The following IL1RAPL2 variants were observed in gnomAD, a reference collection of about 807,000 sequenced individuals.
IL1RAPL2 encodes the protein interleukin 1 receptor accessory protein like 2, also known as X-linked interleukin-1 receptor accessory protein-like 2.
Under a neutral mutation model 44.1 loss-of-function variants are expected in IL1RAPL2, and 3 were observed. The observed-to-expected ratio is 0.07, with a 90% CI of 0.03 to 0.18. The LOEUF (loss-of-function observed/expected upper bound fraction) is 0.18, where lower values mean the gene tolerates loss of function less well. Among genes scored for constraint, IL1RAPL2 ranks in the 10% least tolerant of loss-of-function variants. IL1RAPL2 has a pLI of 1.00. For missense variants in IL1RAPL2, 391 were observed against 496.4 expected (o/e 0.79, Z 2.02); for synonymous variants, 181 against 178.8 (o/e 1.01, Z -0.10).
At chrX:104,717,082 T>C (rs1469940464) in intron 2 of IL1RAPL2, among the ~76,000 whole-genome samples, 1 of 112,239 alleles carries the variant, frequency 8.9e-6, no homozygotes, top group East Asian at 2.8e-4. Context: ...TGGAATACTA[T>C]GCAGCCATAA....
intron 8 of IL1RAPL2, among the ~76,000 whole-genome samples, chrX:105,741,732 A>G (rs1443091270): frequency 1.8e-5 from 2 of 111,856 alleles, no homozygotes; most frequent in East Asian, 5.7e-4. Context: ...AAGAAGTCTA[A>G]AAGAGAAAGT....
chrX:104,893,061 C>T (rs894721900), intron 2 of IL1RAPL2, among the ~76,000 whole-genome samples: 29 of 111,991 alleles, frequency 2.6e-4, no homozygotes, highest in Non-Finnish European at 4.5e-4. Context: ...AGTAGTCATT[C>T]AGGAGCAGGT....
chrX:105,447,644 A>AAT, intron 5 of IL1RAPL2, among the ~76,000 whole-genome samples: 1 of 78,668 alleles, frequency 1.3e-5, no homozygotes, highest in African/African-American at 5.1e-5. Context: ...TATAAATATA[A>AAT]ATATAAATAT....
intron 2 of IL1RAPL2, among the ~76,000 whole-genome samples, chrX:105,017,377 C>G (rs957860): frequency 0.067 from 7,407 of 110,683 alleles, 658 homozygotes; most frequent in African/African-American, 0.23. Flanking sequence ...TTTTTATTAA[C>G]TGAAAATTAA....
At chrX:104,841,535 C>T (rs1424483214) in intron 2 of IL1RAPL2, among the ~76,000 whole-genome samples, 2 of 111,541 alleles carry the variant, frequency 1.8e-5, no homozygotes, top group African/African-American at 6.5e-5. Context: ...TTGGTTTTTT[C>T]CTGTCCATAT....
Position 105,310,695 on chromosome X carries a change from C to T in IL1RAPL2, c.697+43154C>T, listed in dbSNP as rs143247526. On this transcript the variant is annotated intron_variant, in intron 5 of 10. Coordinates refer to ENST00000372582, the MANE Select transcript of IL1RAPL2 (RefSeq NM_017416.2). Reference sequence around the variant, plus strand: ...TGAAATAATTTTCCAGTTACCATTACGATTTATTATTTGGTATATGGTATA... The same window carrying T: ...TGAAATAATTTTCCAGTTACCATTATGATTTATTATTTGGTATATGGTATA... Among the ~76,000 whole-genome samples, 658 of 111,128 alleles carry T rather than the reference C, an allele frequency of 5.9e-3. 5 individuals carry two copies. Among genetic ancestry groups the T allele is most frequent in the African/African-American group, 0.015 (469 of 30,687 alleles).
intron 6 of IL1RAPL2, among the ~76,000 whole-genome samples, chrX:105,623,836 A>G (rs1474548444): frequency 8.9e-6 from 1 of 111,915 alleles, no homozygotes; most frequent in Non-Finnish European, 1.9e-5. Context: ...TGGAGCCTAG[A>G]ATCCAGGTGA....
At chrX:105,401,057 A>G in intron 5 of IL1RAPL2, among the ~76,000 whole-genome samples, 1 of 111,724 alleles carries the variant, frequency 9.0e-6, no homozygotes, top group Non-Finnish European at 1.9e-5. Flanking sequence ...CAGAAGGCAG[A>G]AGATCAAAGA....
chrX:105,519,850 G>A (rs2147788938), intron 6 of IL1RAPL2, among the ~76,000 whole-genome samples: 1 of 111,188 alleles, frequency 9.0e-6, no homozygotes, highest in African/African-American at 3.3e-5. Context: ...TTTAACTCAG[G>A]CATTTTCAAC....
chrX:105,554,856 T>A (rs1186408900), intron 6 of IL1RAPL2, among the ~76,000 whole-genome samples: 1 of 111,701 alleles, frequency 9.0e-6, no homozygotes, highest in East Asian at 2.8e-4. Context: ...TACATGATAA[T>A]TCTGTCATCT....
rs184649971 is a variant in IL1RAPL2 at position 105,116,926 on chromosome X, T to C, written c.83-78549T>C. On this transcript the variant is annotated intron_variant, in intron 2 of 10. Transcript: ENST00000372582. The stretch of plus-strand genomic sequence containing the variant: ...AGTTTCACCTAGGTTCAGAGAATAA[T>C]TGCCAATATATTTCGGAAAGACTCT... Among the ~76,000 whole-genome samples, 668 of 112,163 alleles carry C rather than the reference T, an allele frequency of 6.0e-3. 9 individuals are homozygous for C. Among genetic ancestry groups the C allele is most frequent in the African/African-American group, 0.021 (639 of 30,858 alleles).
intron 6 of IL1RAPL2, among the ~76,000 whole-genome samples, chrX:105,681,374 T>G (rs760950079): frequency 2.8e-4 from 31 of 111,932 alleles, no homozygotes; most frequent in African/African-American, 8.8e-4. Context: ...GGGTATCATG[T>G]TCTGAGCCCC....
chrX:105,461,890 A>G (rs781316089), intron 5 of IL1RAPL2, among the ~76,000 whole-genome samples: 1 of 111,234 alleles, frequency 9.0e-6, no homozygotes, highest in Admixed American at 9.6e-5. Context: ...GTATAGGAGC[A>G]TGTTTGTATG....
intron 7 of IL1RAPL2, among the ~76,000 whole-genome samples, chrX:105,720,678 C>G (rs1290460613): frequency 9.0e-6 from 1 of 111,189 alleles, no homozygotes; most frequent in Non-Finnish European, 1.9e-5. Flanking sequence ...ATATACATAT[C>G]TTTGTATGCA....
chrX:104,636,143 G>A (rs1350695140), intron 1 of IL1RAPL2, among the ~76,000 whole-genome samples: 1 of 111,968 alleles, frequency 8.9e-6, no homozygotes, highest in Non-Finnish European at 1.9e-5. Flanking sequence ...CAGCAGCGGA[G>A]GCTGCAGAAC....
At chrX:105,384,882 T>C (rs910137080) in intron 5 of IL1RAPL2, among the ~76,000 whole-genome samples, 7 of 111,567 alleles carry the variant, frequency 6.3e-5, no homozygotes, top group African/African-American at 2.3e-4. Context: ...ATAGGATTGC[T>C]TCCTTGGTTT....
chrX:105,003,314 G>A (rs73516203), intron 2 of IL1RAPL2, among the ~76,000 whole-genome samples: 1,583 of 110,871 alleles, frequency 0.014, 24 homozygotes, highest in African/African-American at 0.049. Context: ...AAAAATTTTG[G>A]TTGAAATTTA....
intron 2 of IL1RAPL2, among the ~76,000 whole-genome samples, chrX:105,065,259 G>A (rs1181343092): frequency 1.8e-5 from 2 of 111,883 alleles, no homozygotes; most frequent in African/African-American, 6.5e-5. Context: ...GGTTCTGTTT[G>A]GTTTCTATTT....
At chrX:105,243,135 G>A (rs782428210) in intron 4 of IL1RAPL2, among the ~76,000 whole-genome samples, 64 of 110,578 alleles carry the variant, frequency 5.8e-4, no homozygotes, top group Middle Eastern at 9.2e-3. Context: ...ATTTGGCTCT[G>A]TATCCCCACC....
Sources: allele counts gnomAD v4.1 joint callset (sites outside exome capture counted in the v4.1 genomes callset), GRCh38; gene constraint gnomAD v4.1.1; transcripts MANE v1.5; gene names NCBI Gene and HGNC (gene_info 2026-07-23, HGNC 2026-07-21).